Variants in RANBP2 observed in about 807,000 individuals in gnomAD.
RANBP2 encodes RAN binding protein 2, also known as E3 SUMO-protein ligase RanBP2.
In RANBP2, 57 loss-of-function variants were observed where a neutral mutation model predicts 303.6. The ratio of observed to expected loss-of-function variants is 0.19; its 90% CI spans 0.15 to 0.23. The LOEUF is 0.23. RANBP2 is among the 10% of genes least tolerant of loss of function. The pLI is 1.00. For synonymous variants in RANBP2, 1,167 were observed against 1,301.5 expected (o/e 0.90, Z 2.23); for missense variants, 3,138 against 3,780.8 (o/e 0.83, Z 4.46).
chr2:109,553,964 AC>A, the RANBP2 span, among the ~76,000 whole-genome samples: 14 of 152,340 alleles, frequency 9.2e-5, no homozygotes, highest in African/African-American at 3.1e-4. Flanking sequence ...GTATGATTAA[AC>A]CAATTTTTAC....
At chr2:109,584,331 T>C in the RANBP2 span, among the ~76,000 whole-genome samples, 1 of 151,332 alleles carries the variant, frequency 6.6e-6, no homozygotes, top group Admixed American at 6.6e-5. Flanking sequence ...CAAAAAAAAT[T>C]AGGTGTGGTG....
At chr2:109,529,824 C>T in the RANBP2 span, among the ~76,000 whole-genome samples, 9 of 152,274 alleles carry the variant, frequency 5.9e-5, no homozygotes, top group African/African-American at 2.2e-4. Context: ...CTGCCTCCAG[C>T]CCTCACTTCC....
At chr2:109,244,105 T>A in the RANBP2 span, among the ~76,000 whole-genome samples, 1 of 152,212 alleles carries the variant, frequency 6.6e-6, no homozygotes, top group African/African-American at 2.4e-5. Flanking sequence ...ATAGAAAGAA[T>A]AGTTTTCCTT....
the RANBP2 span, among the ~76,000 whole-genome samples, chr2:109,492,823 C>T: frequency 6.6e-6 from 1 of 152,072 alleles, no homozygotes; most frequent in East Asian, 1.9e-4. Context: ...AGCTTGTGGA[C>T]ATCGTGGGAC....
the RANBP2 span, among the ~76,000 whole-genome samples, chr2:109,180,501 C>G: frequency 6.6e-6 from 1 of 152,172 alleles, no homozygotes; most frequent in African/African-American, 2.4e-5. Context: ...CAAATCTCAT[C>G]TTGAATTGTA....
the RANBP2 span, among the ~76,000 whole-genome samples, chr2:109,461,203 T>C: frequency 6.6e-6 from 1 of 152,248 alleles, no homozygotes; most frequent in African/African-American, 2.4e-5. Flanking sequence ...CCCAGCTTTA[T>C]GCTTGGTGGG....
At chr2:109,415,222 C>T in the RANBP2 span, among the ~76,000 whole-genome samples, 75 of 152,374 alleles carry the variant, frequency 4.9e-4, no homozygotes, top group Middle Eastern at 3.4e-3. Flanking sequence ...CTGACTTCAA[C>T]ACCTTCTGAG....
the RANBP2 span, among the ~76,000 whole-genome samples, chr2:109,494,353 A>ACAGC: frequency 6.6e-6 from 1 of 152,088 alleles, no homozygotes; most frequent in African/African-American, 2.4e-5. Context: ...TTTCCAAAAA[A>ACAGC]CAGCCTGAAA....
At chr2:109,088,396 CAAAAA>C in the RANBP2 span, among the ~76,000 whole-genome samples, 40 of 72,804 alleles carry the variant, frequency 5.5e-4, no homozygotes, top group Non-Finnish European at 9.7e-4. Flanking sequence ...GATTCCATCT[CAAAAA>C]AAAAAAAAAA....
intron 4 of RANBP2, among the ~76,000 whole-genome samples, chr2:108,733,165 A>G (rs1029413987): frequency 4.0e-5 from 6 of 151,616 alleles, no homozygotes; most frequent in African/African-American, 1.5e-4. Flanking sequence ...AGTCACCATA[A>G]TACCATTTGT....
the RANBP2 span, among the ~76,000 whole-genome samples, chr2:109,495,241 G>C: frequency 6.6e-6 from 1 of 152,202 alleles, no homozygotes; most frequent in African/African-American, 2.4e-5. Context: ...GGCAGCAAAT[G>C]CACATGGCAT....
the RANBP2 span, among the ~76,000 whole-genome samples, chr2:108,903,045 C>T: frequency 1.3e-5 from 2 of 152,124 alleles, no homozygotes; most frequent in African/African-American, 4.8e-5. Flanking sequence ...GTGAATTCAG[C>T]AAGGTCACAG....
chr2:109,613,815 CGG>C, the RANBP2 span: 1 of 1,235,110 alleles, frequency 8.1e-7, no homozygotes, highest in Non-Finnish European at 1.0e-6. Flanking sequence ...CGCGCCACCT[CGG>C]AGGAGGCCAT....
chr2:108,918,931 G>T, the RANBP2 span, among the ~76,000 whole-genome samples: 1 of 152,164 alleles, frequency 6.6e-6, no homozygotes, highest in African/African-American at 2.4e-5. Flanking sequence ...ACCCCCAGTG[G>T]CAGATTCTGA....
At chr2:109,208,478 C>A in the RANBP2 span, among the ~76,000 whole-genome samples, 1 of 152,168 alleles carries the variant, frequency 6.6e-6, no homozygotes, top group African/African-American at 2.4e-5. Context: ...TGGAGAAGGG[C>A]AAAGGCTCCC....
the RANBP2 span, among the ~76,000 whole-genome samples, chr2:109,581,585 A>G: frequency 6.6e-6 from 1 of 151,830 alleles, no homozygotes; most frequent in Admixed American, 6.6e-5. Flanking sequence ...AATGGGACTG[A>G]ACACACGGGA....
At chr2:109,304,750 T>G in the RANBP2 span, among the ~76,000 whole-genome samples, 1 of 152,040 alleles carries the variant, frequency 6.6e-6, no homozygotes, top group Non-Finnish European at 1.5e-5. Flanking sequence ...TAGGGAGAGG[T>G]GCAGCCTGTG....
the RANBP2 span, among the ~76,000 whole-genome samples, chr2:108,986,358 A>G: frequency 6.6e-6 from 1 of 152,084 alleles, no homozygotes; most frequent in Non-Finnish European, 1.5e-5. Flanking sequence ...GGCTGACACG[A>G]CCCTGGGAAA....
the RANBP2 span, among the ~76,000 whole-genome samples, chr2:109,087,775 G>C: frequency 6.6e-6 from 1 of 152,170 alleles, no homozygotes; most frequent in Non-Finnish European, 1.5e-5. Flanking sequence ...AGATGCTGCA[G>C]GTGGGGCCCT....
Sources: allele counts gnomAD v4.1 joint callset (sites outside exome capture counted in the v4.1 genomes callset), GRCh38; gene constraint gnomAD v4.1.1; transcripts MANE v1.5; gene names NCBI Gene and HGNC (gene_info 2026-07-23, HGNC 2026-07-21).